The following CLTCL1 variants were observed in gnomAD, a reference collection of about 807,000 sequenced individuals.
CLTCL1 encodes the protein clathrin heavy chain 2.
A neutral mutation model predicts 190.0 loss-of-function variants in CLTCL1; 159 were observed. That is an observed-to-expected ratio of 0.84 (90% CI 0.74 to 0.95). CLTCL1 has a LOEUF of 0.95. Among genes scored for constraint, CLTCL1 ranks in the 40% least tolerant of loss-of-function variants. CLTCL1 has a pLI of 0.00. For synonymous variants in CLTCL1, 752 were observed against 769.6 expected (o/e 0.98, Z 0.38); for missense variants, 1,878 against 2,033.4 (o/e 0.92, Z 1.47).
At chr22:19,196,714 C>T (rs2084720667) in intron 24 of CLTCL1, 58 bp from the exon 25 acceptor site, 1 of 1,560,316 alleles carries the variant, frequency 6.4e-7, no homozygotes, top group Non-Finnish European at 8.7e-7. Context: ...TGCAGCCACC[C>T]TCCAGCCCAT....
chr22:19,199,997 C>G (rs1005267742), intron 23 of CLTCL1, among the ~76,000 whole-genome samples, 156 bp from the exon 24 acceptor site: 2 of 152,082 alleles, frequency 1.3e-5, no homozygotes, highest in Admixed American at 6.5e-5. Flanking sequence ...ATGAATTGTA[C>G]AAGACTGGGA....
At chr22:19,216,764 A>G (rs539682105) in intron 18 of CLTCL1, among the ~76,000 whole-genome samples, 46 of 152,338 alleles carry the variant, frequency 3.0e-4, no homozygotes, top group African/African-American at 1.1e-3. Context: ...CCCTCCTCCA[A>G]TTATAGGTGT....
chr22:19,281,746 G>A (rs1054125795), intron 1 of CLTCL1, among the ~76,000 whole-genome samples: 1 of 152,098 alleles, frequency 6.6e-6, no homozygotes, highest in Non-Finnish European at 1.5e-5. Flanking sequence ...GGTTAATACG[G>A]TGACATTCTG....
chr22:19,181,985 G>A (rs1188318875), intron 30 of CLTCL1: 2 of 152,220 alleles, frequency 1.3e-5, no homozygotes, highest in Admixed American at 1.3e-4. Context: ...GCAACAGAAA[G>A]GGAATGTGCG....
Position 19,183,685 on chromosome 22 carries a change from G to A in CLTCL1, c.4606-74C>T, listed in dbSNP as rs2084217501. On this transcript the variant is annotated intron_variant, in intron 29 of 32. Coordinates refer to ENST00000427926, the MANE Select transcript of CLTCL1 (RefSeq NM_007098.4). ...TGTGCCTGCAGCAGCTGGGCCGGAG[G>A]GCAGGGAGTGGCACTAGACTCCACC... 6 of 1,423,684 alleles carry A rather than the reference G, an allele frequency of 4.2e-6. No homozygotes were observed. The South Asian group carries it at 6.1e-5, about 14-fold the overall frequency. 88.2% of individuals were successfully genotyped at this position (1,423,684 alleles called of 1,614,324 possible).
At position 19,225,564 on chromosome 22, in the gene CLTCL1, C is replaced by T. The variant is rs1555955381; in HGVS notation, c.2017G>A (p.Ala673Thr). 1.9e-6 allele frequency: 3 copies of T among 1,586,532 alleles called. No homozygotes were observed. The highest frequency in any genetic ancestry group is 2.6e-6 in the Non-Finnish European group (3 of 1,166,258). ...AGCTGAAGGTTCTGTCTGATGTTAG[C>T]AGACAGCATGGCATGCAGACACTCC... ...SVECLHAMLS[A>T]NIRQNLQLCV... is the part of the protein sequence containing the mutation. Residue 673 changes from alanine to threonine, a missense_variant, in exon 13 of 33, where the codon GCT becomes ACT. By Grantham distance (58) the Ala-to-Thr change is moderately conservative. Coordinates refer to ENST00000427926, the MANE Select transcript of CLTCL1 (RefSeq NM_007098.4).
In CLTCL1 at chr22:19,201,425, G is replaced by A. The variant is rs373108948; in HGVS notation, c.3669C>T (p.Asn1223=). 9 of 1,613,832 alleles carry A rather than the reference G, an allele frequency of 5.6e-6. No individual in the cohort carries two copies. Among genetic ancestry groups the A allele is most frequent in the Non-Finnish European group, 7.6e-6 (9 of 1,179,856 alleles). ...CCAAGGTGGAAGCCAGGCGGGCAAAGTTAGAAACATTGCTATAGAGCAGCT... is the reference window on the plus strand; with the variant it reads ...CCAAGGTGGAAGCCAGGCGGGCAAAATTAGAAACATTGCTATAGAGCAGCT... ...AAKLLYSNVS[N]FARLASTLVH... The change falls in exon 23 of 33, where the codon AAC becomes AAT. Residue 1223 remains asparagine (N), a synonymous_variant. Coordinates refer to ENST00000427926, the MANE Select transcript of CLTCL1 (RefSeq NM_007098.4).
chr22:19,257,542 C>G (rs1388252372), intron 2 of CLTCL1: 10 of 364,640 alleles, frequency 2.7e-5, no homozygotes, highest in Admixed American at 1.8e-4. Flanking sequence ...ACTCACTCCA[C>G]TACCTTCTCT....
chr22:19,290,090 A>G (rs1354361209), intron 1 of CLTCL1, among the ~76,000 whole-genome samples: 4 of 152,260 alleles, frequency 2.6e-5, no homozygotes, highest in South Asian at 2.1e-4. Flanking sequence ...ATAATGGAAC[A>G]TATCAACTCT....
intron 1 of CLTCL1, among the ~76,000 whole-genome samples, chr22:19,276,576 A>C (rs887384954): frequency 1.3e-5 from 2 of 152,082 alleles, no homozygotes; most frequent in African/African-American, 2.4e-5. Context: ...ATACTCAATA[A>C]ATGTTTATCA....
At chr22:19,187,797 T>C in intron 28 of CLTCL1, 69 bp from the exon 29 acceptor site, 2 of 1,495,944 alleles carry the variant, frequency 1.3e-6, no homozygotes, top group East Asian at 2.3e-5. Context: ...AGCAGGCACC[T>C]TGTGTTACTT....
chr22:19,185,358 G>A (rs1398335364), intron 29 of CLTCL1, among the ~76,000 whole-genome samples: 6 of 144,788 alleles, frequency 4.1e-5, no homozygotes, highest in South Asian at 2.2e-4. Flanking sequence ...ACGGAGTCTC[G>A]CTCTGTCACC....
At chr22:19,218,527 C>T (rs1002906145) in intron 18 of CLTCL1, among the ~76,000 whole-genome samples, 3 of 152,202 alleles carry the variant, frequency 2.0e-5, no homozygotes, top group African/African-American at 7.2e-5. Context: ...AAGGTCAAAT[C>T]CAGCCCTCAA....
intron 29 of CLTCL1, 55 bp downstream of exon 29, chr22:19,187,503 A>C: frequency 6.4e-7 from 1 of 1,569,440 alleles, no homozygotes. Flanking sequence ...CCCCAAAGCC[A>C]TCAGGAAACA....
chr22:19,249,118 G>A (rs570506124), intron 3 of CLTCL1, among the ~76,000 whole-genome samples: 1 of 152,300 alleles, frequency 6.6e-6, no homozygotes, highest in South Asian at 2.1e-4. Flanking sequence ...CAGCACTCTG[G>A]GAGGCCGAAG....
chr22:19,266,941 A>T (rs1250105666), intron 2 of CLTCL1, among the ~76,000 whole-genome samples: 2 of 152,190 alleles, frequency 1.3e-5, no homozygotes, highest in Non-Finnish European at 2.9e-5. Flanking sequence ...GAAATAATTC[A>T]ACGATTTCTG....
intron 31 of CLTCL1, 116 bp from the exon 32 acceptor site, chr22:19,180,354 G>T: frequency 8.8e-7 from 1 of 1,141,318 alleles, no homozygotes; most frequent in Non-Finnish European, 1.3e-6. Flanking sequence ...GCCCCACAGT[G>T]TCCAAGCACC....
chr22:19,203,650 C>T (rs564493200), intron 22 of CLTCL1, among the ~76,000 whole-genome samples: 2 of 152,176 alleles, frequency 1.3e-5, no homozygotes, highest in Non-Finnish European at 2.9e-5. Flanking sequence ...TCCATCCCCC[C>T]CCAGCCCCAC....
At chr22:19,184,051 A>G (rs530596064) in intron 29 of CLTCL1, 222 of 259,028 alleles carry the variant, frequency 8.6e-4, no homozygotes, top group Non-Finnish European at 1.4e-3. Context: ...CAAGTGGCTC[A>G]AAAACCCCTA....
Sources: gnomAD v4.1 joint callset for allele counts (sites outside exome capture counted in the v4.1 genomes callset) on GRCh38, gnomAD v4.1.1 for gene constraint, MANE v1.5 for transcripts, NCBI Gene and HGNC (gene_info 2026-07-23, HGNC 2026-07-21) for gene names.